RPL31: variants seen among roughly 807,000 people sequenced by gnomAD.
The protein encoded by RPL31 is large ribosomal subunit protein eL31.
For synonymous variants in RPL31, 51 were observed against 55.0 expected (o/e 0.93, Z 0.32); for missense variants, 95 against 164.0 (o/e 0.58, Z 2.30).
At chr2:101,010,625 C>A (rs1392640674), downstream of RPL31, among the ~76,000 whole-genome samples, 1 of 150,626 alleles carries the variant, frequency 6.6e-6, no homozygotes, top group South Asian at 2.1e-4. Flanking sequence ...TGGCTCAAAC[C>A]TGTAATCCCA....
At chr2:101,016,588 G>A (rs1679654136) in intron 4 of RPL31, among the ~76,000 whole-genome samples, 1 of 152,062 alleles carries the variant, frequency 6.6e-6, no homozygotes, top group Non-Finnish European at 1.5e-5. Flanking sequence ...ACACCCAAAG[G>A]ACTATAAATC....
chr2:101,014,818 G>A (rs1361117684), intron 4 of RPL31, among the ~76,000 whole-genome samples: 1 of 152,204 alleles, frequency 6.6e-6, no homozygotes, highest in Non-Finnish European at 1.5e-5. Flanking sequence ...AATCAAGATA[G>A]TGGGTATAAC....
intron 4 of RPL31, among the ~76,000 whole-genome samples, chr2:101,014,279 A>G (rs1320774256): frequency 6.6e-6 from 1 of 152,098 alleles, no homozygotes; most frequent in African/African-American, 2.4e-5. Context: ...CAGGATCCCA[A>G]TCCAAGGCCA....
downstream of RPL31, among the ~76,000 whole-genome samples, chr2:101,009,066 A>T (rs2105355671): frequency 1.3e-5 from 2 of 152,248 alleles, no homozygotes; most frequent in South Asian, 4.1e-4. Context: ...CTTCAGGTGG[A>T]ATCTAGCTAC....
At chr2:101,007,663 G>A, downstream of RPL31, 2 of 708,246 alleles carry the variant, frequency 2.8e-6, no homozygotes, top group Non-Finnish European at 4.7e-6. Flanking sequence ...ATGCTTGAGG[G>A]TTGTGTCGGT....
chr2:101,018,375 C>CCAAT (rs1679813250), intron 4 of RPL31: 1 of 157,362 alleles, frequency 6.4e-6, no homozygotes, highest in Non-Finnish European at 1.4e-5. Context: ...TTTTAAAAAG[C>CCAAT]CAATAATTAC....
rs769364729 is a variant in RPL31, at chr2:101,006,336, T to TA, written c.347-13dup. ...TGATGTGGGTATGGAAATTGACTGTTACTTCCTTTACAGATCTACAGACAG... is the reference window on the plus strand; with the variant it reads ...TGATGTGGGTATGGAAATTGACTGTTAACTTCCTTTACAGATCTACAGACAG... On this transcript the variant is annotated splice_polypyrimidine_tract_variant and intron_variant, in intron 4 of 4. Transcript: ENST00000264258. 6 of 1,608,366 alleles carry TA rather than the reference T, an allele frequency of 3.7e-6. No individual in the cohort carries two copies. Among genetic ancestry groups the TA allele is most frequent in the East Asian group, 2.2e-5 (1 of 44,840 alleles).
In RPL31 at chr2:101,006,498, T is replaced by C. The variant is rs1678743843; in HGVS notation, c.*117T>C. The C allele has an allele frequency of 9.7e-7, 1 of 1,028,600 alleles. No individual in the cohort carries two copies. The highest frequency in any genetic ancestry group is 1.8e-5 in the South Asian group (1 of 56,274). 63.7% of individuals were successfully genotyped at this position (1,028,600 alleles called of 1,614,324 possible). A position where few individuals can be genotyped will look rare whatever the true frequency, so the allele number is the denominator to read the frequency against. On this transcript the variant is annotated 3_prime_UTR_variant, in exon 5 of 5. Coordinates refer to ENST00000264258, the MANE Select transcript of RPL31 (RefSeq NM_000993.5). Reference sequence around the variant, plus strand: ...TAATTATGGGATCATTTGAAGAGCTTTTCCCAAATTGATGGCCTGTGCTGC... The same window carrying C: ...TAATTATGGGATCATTTGAAGAGCTCTTCCCAAATTGATGGCCTGTGCTGC...
downstream of RPL31, among the ~76,000 whole-genome samples, chr2:101,009,511 G>A (rs1293621508): frequency 6.6e-6 from 1 of 151,944 alleles, no homozygotes; most frequent in Non-Finnish European, 1.5e-5. Context: ...GTATGAACAT[G>A]GCCCGTTTTG....
chr2:101,003,897 C>T (rs528688415), intron 2 of RPL31, among the ~76,000 whole-genome samples: 48 of 152,264 alleles, frequency 3.2e-4, no homozygotes, highest in Non-Finnish European at 2.9e-5. Context: ...GGGCATTGCA[C>T]ACTGGTGGGA....
At position 101,019,101 on chromosome 2, in the gene RPL31, C is replaced by T; in HGVS notation, c.*63C>T. 8.9e-6 allele frequency: 14 copies of T among 1,570,796 alleles called. No homozygotes were observed. In the South Asian group the frequency reaches 1.5e-4, roughly 17 times the overall value. ...CGGCTCTTCATTGCTTCCTGAGCTG[C>T]AGCAGATGCCTTTACAACCAAGCTC... is the stretch of plus-strand genomic sequence containing the variant. On this transcript the variant is annotated 3_prime_UTR_variant, in exon 5 of 5. Transcript: ENST00000409028.
At chr2:101,013,936 A>G (rs902147094) in intron 4 of RPL31, among the ~76,000 whole-genome samples, 5 of 152,258 alleles carry the variant, frequency 3.3e-5, no homozygotes, top group African/African-American at 1.2e-4. Flanking sequence ...ATCAAATTAT[A>G]GCAGCGAGGC....
At chr2:101,011,432 A>G (rs1251907009), downstream of RPL31, 5 of 1,613,404 alleles carry the variant, frequency 3.1e-6, no homozygotes, top group African/African-American at 6.7e-5. Context: ...GGAAAGCAAC[A>G]ATGAAAAGAG....
downstream of RPL31, chr2:101,011,145 C>A: frequency 1.0e-6 from 1 of 984,834 alleles, no homozygotes; most frequent in South Asian, 1.5e-5. Context: ...AAATTCCATA[C>A]AAAACTGGAA....
intron 4 of RPL31, among the ~76,000 whole-genome samples, chr2:101,015,486 C>T (rs1463699165): frequency 6.6e-6 from 1 of 152,182 alleles, no homozygotes; most frequent in East Asian, 1.9e-4. Flanking sequence ...AACTTTTTGA[C>T]TCTTTTGTAA....
downstream of RPL31, chr2:101,007,634 C>T: frequency 1.6e-6 from 1 of 629,908 alleles, no homozygotes; most frequent in Non-Finnish European, 2.7e-6. Context: ...AGGGCACTGA[C>T]AATTCTCAAT....
intron 1 of RPL31, 101 bp downstream of exon 1, chr2:101,002,416 G>T: frequency 2.3e-6 from 1 of 429,654 alleles, no homozygotes; most frequent in Non-Finnish European, 4.3e-6. Context: ...GCCAGCCCGG[G>T]GCTCCGGTTG....
At chr2:101,013,562 T>C (rs1037190871) in intron 4 of RPL31, among the ~76,000 whole-genome samples, 57 of 152,326 alleles carry the variant, frequency 3.7e-4, no homozygotes, top group African/African-American at 1.3e-3. Context: ...ATCTCAGACT[T>C]CTGTTTGAAG....
chr2:101,017,526 C>T (rs545709450), intron 4 of RPL31, among the ~76,000 whole-genome samples: 1 of 152,280 alleles, frequency 6.6e-6, no homozygotes, highest in East Asian at 1.9e-4. Flanking sequence ...TATGGGACCA[C>T]CATCATACAT....
Sources: allele counts gnomAD v4.1 joint callset (sites outside exome capture counted in the v4.1 genomes callset), GRCh38; gene constraint gnomAD v4.1.1; transcripts MANE v1.5; gene names NCBI Gene and HGNC (gene_info 2026-07-23, HGNC 2026-07-21).